Variants in POSTN observed in about 807,000 individuals in gnomAD.
The protein encoded by POSTN is periostin.
A neutral mutation model predicts 104.5 loss-of-function variants in POSTN; 71 were observed. The ratio of observed to expected loss-of-function variants is 0.68; its 90% CI spans 0.56 to 0.83. The LOEUF is 0.83. Ranked by LOEUF, POSTN falls within the 40% of genes least tolerant of loss-of-function variation. POSTN has a pLI of 0.00. For synonymous variants in POSTN, 355 were observed against 340.7 expected (o/e 1.04, Z -0.46); for missense variants, 949 against 1,006.8 (o/e 0.94, Z 0.78).
At chr13:37,592,266 G>T in intron 2 of POSTN, 102 bp from the exon 3 acceptor site, 2 of 768,210 alleles carry the variant, frequency 2.6e-6, no homozygotes, top group South Asian at 2.0e-5. Flanking sequence ...GATTTGTTGA[G>T]GTTCTAAAAA....
chr13:37,578,855 TG>T lies in POSTN; in HGVS notation c.1950del (p.Tyr650Ter). 6.3e-7 allele frequency: 1 copy of T among 1,574,942 alleles called. No homozygotes were observed. ...GTAACTTTTAGTACCTTAATTTGGA[TG>T]TATTTGATTAATTTATTAAGTATTT... ...LLEILNKLIK[Y>X]IQIKFVRGST... On this transcript the variant is annotated frameshift_variant, in exon 15 of 23. Transcript: ENST00000379747. LOFTEE classifies it high-confidence loss of function.
At chr13:37,564,385 C>A in intron 22 of POSTN, 134 bp downstream of exon 22, 1 of 570,082 alleles carries the variant, frequency 1.8e-6, no homozygotes, top group Admixed American at 3.1e-5. Flanking sequence ...TTGTTTTCAT[C>A]AAAACTGGCT....
At chr13:37,589,631 G>A (rs1950866707) in intron 4 of POSTN, among the ~76,000 whole-genome samples, 1 of 152,188 alleles carries the variant, frequency 6.6e-6, no homozygotes, top group African/African-American at 2.4e-5. Context: ...TTAGAGATGC[G>A]GTGAAAGACA....
At chr13:37,569,261 G>A in intron 21 of POSTN, 39 bp downstream of exon 21, 1 of 1,463,366 alleles carries the variant, frequency 6.8e-7, no homozygotes, top group South Asian at 1.2e-5. Flanking sequence ...TCAGTCACTA[G>A]AACCTGTTAA....
chr13:37,574,197 A>G (rs1354434898), intron 17 of POSTN, among the ~76,000 whole-genome samples: 1 of 151,448 alleles, frequency 6.6e-6, no homozygotes, highest in South Asian at 2.1e-4. Flanking sequence ...TTGCACTGTT[A>G]TAAGAAAGAA....
chr13:37,592,261 G>T, intron 2 of POSTN, 97 bp from the exon 3 acceptor site: 1 of 791,760 alleles, frequency 1.3e-6, no homozygotes. Context: ...GACTTGATTT[G>T]TTGAGGTTCT....
At position 37,598,623 on chromosome 13, in the gene POSTN, CT is replaced by C. The variant is rs773730249; in HGVS notation, c.103del (p.Arg35GlyfsTer50). 2 of 1,612,490 alleles carry C rather than the reference CT, an allele frequency of 1.2e-6. No individual in the cohort carries two copies. The highest frequency in any genetic ancestry group is 1.1e-5 in the South Asian group (1 of 90,920). Reference sequence around the variant, plus strand: ...ACTCACTTACCCTTGGTCCCGACCCCTGATACGACTATGAGCCAAGATCTTG... The same window carrying C: ...ACTCACTTACCCTTGGTCCCGACCCCGATACGACTATGAGCCAAGATCTTG... ...YDKILAHSRI[R>X]GRDQGPNVCA... On this transcript the variant is annotated frameshift_variant, in exon 1 of 23. Transcript: ENST00000379747. LOFTEE classifies it high-confidence loss of function.
intron 1 of POSTN, 145 bp downstream of exon 1, chr13:37,598,463 C>G (rs991103678): frequency 1.6e-6 from 1 of 638,386 alleles, no homozygotes; most frequent in South Asian, 2.8e-5. Context: ...TCACAGAATA[C>G]TCACATTTTC....
At chr13:37,586,732 G>A in intron 6 of POSTN, 50 bp downstream of exon 6, 1 of 1,517,510 alleles carries the variant, frequency 6.6e-7, no homozygotes, top group Non-Finnish European at 8.9e-7. Context: ...ATTTTGACAG[G>A]AGAAGAAGAG....
intron 2 of POSTN, among the ~76,000 whole-genome samples, chr13:37,596,013 G>T (rs1400810220): frequency 6.6e-6 from 1 of 151,856 alleles, no homozygotes; most frequent in Admixed American, 6.6e-5. Context: ...TGTTGGCCAG[G>T]CTGGTCTCGA....
At chr13:37,597,163 T>TG (rs1951108461) in intron 2 of POSTN, 21 bp downstream of exon 2, 1 of 1,449,056 alleles carries the variant, frequency 6.9e-7, no homozygotes, top group South Asian at 1.3e-5. Context: ...TGACATATTA[T>TG]GAAAAAAAAA....
At chr13:37,593,652 T>C (rs1192014799) in intron 2 of POSTN, among the ~76,000 whole-genome samples, 1 of 151,486 alleles carries the variant, frequency 6.6e-6, no homozygotes, top group Non-Finnish European at 1.5e-5. Flanking sequence ...GTTGTCTTAA[T>C]TGTATTCAAG....
Position 37,581,891 on chromosome 13 carries a change from A to G in POSTN, c.1392+475T>C, listed in dbSNP as rs559702745. ...ATTCATTATAATGAAATGTTTTGAA[A>G]TGAAAAACATTTTAGTAGAGACAGC... On this transcript the variant is annotated intron_variant, in intron 10 of 22. Transcript: ENST00000379747. Among the ~76,000 whole-genome samples the G allele has an allele frequency of 8.7e-4, 132 of 152,324 alleles. 1 individual carries two copies. Among genetic ancestry groups the G allele is most frequent in the African/African-American group, 3.1e-3 (129 of 41,566 alleles).
At chr13:37,572,886 C>A (rs1950298837) in intron 17 of POSTN, among the ~76,000 whole-genome samples, 1 of 151,512 alleles carries the variant, frequency 6.6e-6, no homozygotes, top group Admixed American at 6.6e-5. Flanking sequence ...TTGTAAATTA[C>A]TACTAAGATA....
At chr13:37,579,395 T>C (rs1235722912) in intron 12 of POSTN, 36 bp from the exon 13 acceptor site, 2 of 1,489,608 alleles carry the variant, frequency 1.3e-6, no homozygotes, top group Admixed American at 1.8e-5. Flanking sequence ...TATTGAATAA[T>C]ATGACTTTTT....
At chr13:37,568,909 C>T (rs1950185393) in intron 21 of POSTN, 1 of 154,360 alleles carries the variant, frequency 6.5e-6, no homozygotes, top group Non-Finnish European at 1.4e-5. Flanking sequence ...TAAAGACATG[C>T]CTTGATTGCT....
At chr13:37,587,321 T>C (rs1404933655) in intron 5 of POSTN, among the ~76,000 whole-genome samples, 3 of 152,186 alleles carry the variant, frequency 2.0e-5, no homozygotes, top group Non-Finnish European at 4.4e-5. Flanking sequence ...AATTATTGTA[T>C]AGATATAATT....
In POSTN at chr13:37,589,304, T is replaced by G. The variant is rs182986443; in HGVS notation, c.441+1068A>C. Among the ~76,000 whole-genome samples, 328 of 152,306 alleles carry G rather than the reference T, an allele frequency of 2.2e-3. 3 individuals carry two copies. The highest frequency in any genetic ancestry group is 3.4e-3 in the Middle Eastern group (1 of 294). ...AGTGCATTTAAAGAGCAGAGTCAAG[T>G]GCTGGAAGAAATTCTTATAAGTTCC... On this transcript the variant is annotated intron_variant, in intron 4 of 22. Coordinates refer to ENST00000379747, the MANE Select transcript of POSTN (RefSeq NM_006475.3).
chr13:37,576,054 C>A (rs974665882), intron 16 of POSTN, among the ~76,000 whole-genome samples: 1 of 152,072 alleles, frequency 6.6e-6, no homozygotes, highest in Non-Finnish European at 1.5e-5. Context: ...TGATTTTCTG[C>A]AGACTTAAAT....
Sources: gnomAD v4.1 joint callset for allele counts (sites outside exome capture counted in the v4.1 genomes callset) on GRCh38, gnomAD v4.1.1 for gene constraint, MANE v1.5 for transcripts, NCBI Gene and HGNC (gene_info 2026-07-23, HGNC 2026-07-21) for gene names.